DEGS2: variants seen among roughly 807,000 people sequenced by gnomAD.
The protein encoded by DEGS2 is sphingolipid delta(4)-desaturase/C4-monooxygenase DES2.
DEGS2 carries 19 observed loss-of-function variants against 23.8 expected under a neutral mutation model. That is an observed-to-expected ratio of 0.80 (90% CI 0.56 to 1.17). DEGS2 has a LOEUF of 1.17. Ranked by LOEUF, DEGS2 falls within the 50% of genes most tolerant of loss-of-function variation. The pLI is 0.00. For synonymous variants in DEGS2, 218 were observed against 213.7 expected (o/e 1.02, Z -0.18); for missense variants, 390 against 459.5 (o/e 0.85, Z 1.38).
At chr14:100,165,955 T>C in the DEGS2 span, among the ~76,000 whole-genome samples, 32 of 38,432 alleles carry the variant, frequency 8.3e-4, no homozygotes, top group East Asian at 3.2e-3. Flanking sequence ...GGAGCCTGCC[T>C]GGGAGAGTGG....
intron 2 of DEGS2, among the ~76,000 whole-genome samples, chr14:100,147,823 C>T (rs990677998): frequency 5.3e-5 from 8 of 152,164 alleles, no homozygotes; most frequent in African/African-American, 9.7e-5. Context: ...TCATGGCTCA[C>T]GGCAGGCACT....
In DEGS2 at chr14:100,149,482, C is replaced by T. The variant is rs769989932; in HGVS notation, c.311G>A (p.Arg104His). ...NAAFGTGRAA[R>H]NRWLAVFANL... ...GGCGAACACGGCCAGCCAGCGGTTGCGTGCCGCACGGCCCGTGCCGAAGGC... is the reference window on the plus strand; with the variant it reads ...GGCGAACACGGCCAGCCAGCGGTTGTGTGCCGCACGGCCCGTGCCGAAGGC... Residue 104 changes from arginine to histidine, a missense_variant, in exon 2 of 3, where the codon CGC becomes CAC. Transcript: ENST00000305631. The T allele has an allele frequency of 4.7e-5, 75 of 1,595,658 alleles. No homozygotes were observed. Among genetic ancestry groups the T allele is most frequent in the Non-Finnish European group, 6.2e-5 (73 of 1,171,806 alleles).
upstream of DEGS2, chr14:100,159,853 G>A: frequency 3.7e-6 from 1 of 268,930 alleles, no homozygotes; most frequent in Non-Finnish European, 7.0e-6. Flanking sequence ...GACCGAGGTG[G>A]CCGCGTGCCA....
Position 100,146,540 on chromosome 14 carries a change from G to T in DEGS2, c.*221C>A, listed in dbSNP as rs1889447666. The T allele has an allele frequency of 1.7e-6, 1 of 595,536 alleles. No homozygotes were observed. The allele number at this position is 595,536 out of a possible 1,614,324, so 36.9% of individuals were successfully genotyped here. ...GCAGGGCCAGGCCTCACCTGGGGAG[G>T]CCCAGAAAGGGAGGGCCACACTCAA... On this transcript the variant is annotated 3_prime_UTR_variant, in exon 3 of 3. Transcript: ENST00000305631.
At chr14:100,153,039 T>A (rs1427738518) in intron 1 of DEGS2, among the ~76,000 whole-genome samples, 1 of 152,086 alleles carries the variant, frequency 6.6e-6, no homozygotes, top group Non-Finnish European at 1.5e-5. Flanking sequence ...GGAGGTTTCC[T>A]TGAGCCCAGG....
At chr14:100,147,617 T>C (rs1277782355) in intron 2 of DEGS2, among the ~76,000 whole-genome samples, 1 of 149,870 alleles carries the variant, frequency 6.7e-6, no homozygotes, top group Non-Finnish European at 1.5e-5. Context: ...CTCAACGGCA[T>C]GCAGCCTTGG....
intron 2 of DEGS2, among the ~76,000 whole-genome samples, chr14:100,147,663 C>A (rs1414614284): frequency 6.8e-6 from 1 of 146,274 alleles, no homozygotes. Flanking sequence ...TCCCTGCCCC[C>A]CCCCCCCAGG....
chr14:100,160,662 G>A (rs749542756), upstream of DEGS2, among the ~76,000 whole-genome samples: 2 of 152,218 alleles, frequency 1.3e-5, no homozygotes, highest in Non-Finnish European at 2.9e-5. Context: ...ATCAGCCAGC[G>A]CTGCCACAGG....
intron 1 of DEGS2, among the ~76,000 whole-genome samples, chr14:100,152,836 C>T (rs1401965770): frequency 6.7e-6 from 1 of 150,248 alleles, no homozygotes; most frequent in African/African-American, 2.4e-5. Flanking sequence ...ACTTTACAGC[C>T]TCCATAATCA....
At chr14:100,156,074 A>G (rs1048864550) in intron 1 of DEGS2, among the ~76,000 whole-genome samples, 8 of 152,228 alleles carry the variant, frequency 5.3e-5, no homozygotes, top group African/African-American at 1.9e-4. Flanking sequence ...TTTGGCCCCA[A>G]CCCACAGAGC....
the DEGS2 span, among the ~76,000 whole-genome samples, chr14:100,165,919 G>A: frequency 7.4e-6 from 1 of 134,398 alleles, no homozygotes. Context: ...GAAGTGGGGT[G>A]GGGGGAGCCT....
Position 100,149,100 on chromosome 14 carries a change from G to T in DEGS2, c.693C>A (p.Ala231=). 6.2e-7 allele frequency: 1 copy of T among 1,612,984 alleles called. No homozygotes were observed. Among genetic ancestry groups the T allele is most frequent in the Non-Finnish European group, 8.5e-7 (1 of 1,179,998 alleles). The change falls in exon 2 of 3, where the codon GCC becomes GCA. Residue 231 remains alanine (A), a synonymous_variant. Coordinates refer to ENST00000305631, the MANE Select transcript of DEGS2 (RefSeq NM_206918.3). The part of the protein sequence containing the change: ...GLHPISGHFV[A]EHYMFLKGHE... ...GGCCCTTGAGGAACATGTAGTGCTC[G>T]GCCACGAAGTGGCCCGAGATGGGGT...
Position 100,146,947 on chromosome 14 carries a change from C to T in DEGS2, c.826-40G>A, listed in dbSNP as rs368635045. 10 of 1,592,488 alleles carry T rather than the reference C, an allele frequency of 6.3e-6. 1 individual carries two copies. In the South Asian group the frequency reaches 6.8e-5, roughly 11 times the overall value. On this transcript the variant is annotated intron_variant, in intron 2 of 2. Transcript: ENST00000305631. ...GCGGGGCTCAGGGGCTGGTTCTCCT[C>T]GGGGCCGCACCCGCGAGCACACACG...
At chr14:100,157,198 G>A (rs377766507) in intron 1 of DEGS2, among the ~76,000 whole-genome samples, 14 of 152,216 alleles carry the variant, frequency 9.2e-5, no homozygotes, top group East Asian at 5.8e-4. Flanking sequence ...ACGACTGCCC[G>A]TTTTGCAGAT....
At chr14:100,152,706 A>C (rs541362367) in intron 1 of DEGS2, among the ~76,000 whole-genome samples, 1 of 152,188 alleles carries the variant, frequency 6.6e-6, no homozygotes, top group East Asian at 1.9e-4. Flanking sequence ...CAGGCCTTCA[A>C]TATCATACTG....
chr14:100,148,876 T>C, intron 2 of DEGS2, 92 bp downstream of exon 2: 1 of 1,414,528 alleles, frequency 7.1e-7, no homozygotes, highest in African/African-American at 1.4e-5. Context: ...GAGAGGCTGC[T>C]GGGCATGGCC....
chr14:100,146,531 C>T lies in DEGS2; in HGVS notation c.*230G>A. ...CATGGTGGGGCAGGGCCAGGCCTCA[C>T]CTGGGGAGGCCCAGAAAGGGAGGGC... On this transcript the variant is annotated 3_prime_UTR_variant, in exon 3 of 3. Coordinates refer to ENST00000305631, the MANE Select transcript of DEGS2 (RefSeq NM_206918.3). 1 of 573,014 alleles carries T rather than the reference C, an allele frequency of 1.7e-6. No individual in the cohort carries two copies. The highest frequency in any genetic ancestry group is 3.0e-6 in the Non-Finnish European group (1 of 335,134). 35.5% of individuals were successfully genotyped at this position (573,014 alleles called of 1,614,324 possible).
chr14:100,163,571 TGGA>T (rs376510803), upstream of DEGS2, among the ~76,000 whole-genome samples: 58 of 152,320 alleles, frequency 3.8e-4, no homozygotes, highest in East Asian at 6.7e-3. Flanking sequence ...TAGGAAAGGA[TGGA>T]GAAGAGGCAA....
intron 1 of DEGS2, among the ~76,000 whole-genome samples, chr14:100,158,028 G>A (rs901124582): frequency 1.5e-4 from 22 of 145,542 alleles, no homozygotes; most frequent in Non-Finnish European, 2.6e-4. Flanking sequence ...CGGAGGTTGC[G>A]GTGAGTGGAG....
Sources: allele counts gnomAD v4.1 joint callset (sites outside exome capture counted in the v4.1 genomes callset), GRCh38; gene constraint gnomAD v4.1.1; transcripts MANE v1.5; gene names NCBI Gene and HGNC (gene_info 2026-07-23, HGNC 2026-07-21).